The following SIPA1L3 variants were observed in gnomAD, a reference collection of about 807,000 sequenced individuals.
SIPA1L3 encodes signal-induced proliferation-associated 1-like protein 3.
Under a neutral mutation model 150.1 loss-of-function variants are expected in SIPA1L3, and 59 were observed. The observed-to-expected ratio is 0.39, with a 90% CI of 0.32 to 0.49. The LOEUF (loss-of-function observed/expected upper bound fraction) is 0.49. Among genes scored for constraint, SIPA1L3 ranks in the 20% least tolerant of loss-of-function variants. SIPA1L3 has a pLI of 0.86. For missense variants in SIPA1L3, 2,211 were observed against 2,489.5 expected (o/e 0.89, Z 2.38); for synonymous variants, 1,070 against 1,077.6 (o/e 0.99, Z 0.14).
intron 1 of SIPA1L3, among the ~76,000 whole-genome samples, chr19:37,990,786 C>T (rs573604798): frequency 1.4e-4 from 21 of 152,240 alleles, no homozygotes; most frequent in Non-Finnish European, 2.6e-4. Flanking sequence ...CTGGTACCAA[C>T]AACAGCAGAC....
At chr19:37,911,508 A>G (rs1362519891) in intron 1 of SIPA1L3, among the ~76,000 whole-genome samples, 1 of 150,210 alleles carries the variant, frequency 6.7e-6, no homozygotes, top group Admixed American at 6.6e-5. Context: ...TTCCTCTGAG[A>G]TGTCTTTTTT....
intron 2 of SIPA1L3, among the ~76,000 whole-genome samples, chr19:38,044,541 ACAAAAGG>A (rs1199050160): frequency 3.9e-4 from 60 of 152,172 alleles, no homozygotes; most frequent in Non-Finnish European, 7.2e-4. Context: ...GATGGGAGGC[ACAAAAGG>A]CTGAAGGGAG....
rs879842614 is a variant in SIPA1L3 at position 37,984,151 on chromosome 19, C to T, written c.-378-44938C>T. ...CTCAGGGAGCGCTGTGTGAGCCCTG[C>T]GCAGGGCGGGGCAGCGAGGCGGTTA... is the stretch of plus-strand genomic sequence containing the variant. On this transcript the variant is annotated intron_variant, in intron 1 of 21. Transcript: ENST00000222345. 5.3e-5 allele frequency among the ~76,000 whole-genome samples: 8 copies of T among 152,122 alleles called. 1 individual carries two copies. The South Asian group carries it at 8.3e-4, about 16-fold the overall frequency.
intron 1 of SIPA1L3, among the ~76,000 whole-genome samples, chr19:38,005,707 T>C (rs1446960731): frequency 6.6e-6 from 1 of 152,284 alleles, no homozygotes; most frequent in South Asian, 2.1e-4. Flanking sequence ...TACTAAACTT[T>C]GCTAAGGGAA....
At chr19:38,076,692 A>G (rs1475562262) in intron 2 of SIPA1L3, among the ~76,000 whole-genome samples, 1 of 152,196 alleles carries the variant, frequency 6.6e-6, no homozygotes, top group South Asian at 2.1e-4. Flanking sequence ...GAAAAGTCAT[A>G]ACATTACAAG....
chr19:38,162,185 G>C, intron 13 of SIPA1L3, 68 bp from the exon 14 acceptor site: 1 of 1,237,322 alleles, frequency 8.1e-7, no homozygotes, highest in Non-Finnish European at 1.2e-6. Flanking sequence ...TCTGGCAAAG[G>C]GTCCAGATTC....
chr19:38,018,513 G>T (rs1187897438), intron 1 of SIPA1L3, among the ~76,000 whole-genome samples: 1 of 152,116 alleles, frequency 6.6e-6, no homozygotes, highest in Non-Finnish European at 1.5e-5. Flanking sequence ...AAATGGAACT[G>T]TATAATCCAT....
At chr19:37,927,851 C>T (rs1278903643) in intron 1 of SIPA1L3, among the ~76,000 whole-genome samples, 1 of 152,062 alleles carries the variant, frequency 6.6e-6, no homozygotes, top group African/African-American at 2.4e-5. Context: ...CCAGCTACAT[C>T]CATGTTGCTG....
chr19:37,937,010 A>G (rs1397883533), intron 1 of SIPA1L3, among the ~76,000 whole-genome samples: 4 of 152,148 alleles, frequency 2.6e-5, no homozygotes, highest in African/African-American at 9.7e-5. Flanking sequence ...CTTAGGCTGG[A>G]ATAGAATGGT....
chr19:38,195,007 A>G (rs1972889549), intron 18 of SIPA1L3, among the ~76,000 whole-genome samples: 1 of 151,798 alleles, frequency 6.6e-6, no homozygotes, highest in Non-Finnish European at 1.5e-5. Flanking sequence ...GCTGAGATCA[A>G]GCCACTGCAC....
At chr19:37,997,703 C>T (rs1367811606) in intron 1 of SIPA1L3, among the ~76,000 whole-genome samples, 1 of 151,646 alleles carries the variant, frequency 6.6e-6, no homozygotes, top group Non-Finnish European at 1.5e-5. Context: ...CCCGTCTCTA[C>T]TAAAAATACA....
intron 8 of SIPA1L3, among the ~76,000 whole-genome samples, chr19:38,113,497 G>A (rs1600089238): frequency 6.6e-6 from 1 of 151,966 alleles, no homozygotes; most frequent in African/African-American, 2.4e-5. Flanking sequence ...AGGCATGCTG[G>A]CACGCACCCA....
chr19:38,142,913 T>C (rs1225627014), intron 12 of SIPA1L3, among the ~76,000 whole-genome samples: 1 of 152,200 alleles, frequency 6.6e-6, no homozygotes, highest in African/African-American at 2.4e-5. Flanking sequence ...GGACCCATCG[T>C]TGGCTTTCCT....
At chr19:38,019,949 C>T (rs1048955661) in intron 1 of SIPA1L3, among the ~76,000 whole-genome samples, 8 of 152,026 alleles carry the variant, frequency 5.3e-5, no homozygotes, top group Admixed American at 3.9e-4. Flanking sequence ...AAGCATTACC[C>T]AGGTGTGGTG....
chr19:37,916,852 C>T (rs559351810), intron 1 of SIPA1L3, among the ~76,000 whole-genome samples: 19 of 151,750 alleles, frequency 1.3e-4, no homozygotes, highest in Non-Finnish European at 2.2e-4. Flanking sequence ...CCCAACTACT[C>T]GGGAGACGGA....
At chr19:38,049,856 A>C (rs1454709362) in intron 2 of SIPA1L3, among the ~76,000 whole-genome samples, 1 of 151,584 alleles carries the variant, frequency 6.6e-6, no homozygotes, top group African/African-American at 2.4e-5. Context: ...CACCAATCCG[A>C]AGGGTGTCAA....
At chr19:38,150,529 CT>C (rs201046693) in intron 12 of SIPA1L3, among the ~76,000 whole-genome samples, 37,691 of 118,320 alleles carry the variant, frequency 0.32, 4,214 homozygotes, top group South Asian at 0.42. Flanking sequence ...AATATCAACA[CT>C]TTTTTTTTTT....
chr19:37,945,039 C>A (rs549670128), intron 1 of SIPA1L3, among the ~76,000 whole-genome samples: 1 of 152,282 alleles, frequency 6.6e-6, no homozygotes, highest in Non-Finnish European at 1.5e-5. Flanking sequence ...GTGCTCAGAA[C>A]ACCTGCATTA....
intron 18 of SIPA1L3, among the ~76,000 whole-genome samples, chr19:38,195,674 C>T (rs1276330819): frequency 4.6e-5 from 7 of 152,042 alleles, no homozygotes; most frequent in East Asian, 3.9e-4. Context: ...CTCCACAGGC[C>T]GATCCGAATT....
Sources: gnomAD v4.1 joint callset for allele counts (sites outside exome capture counted in the v4.1 genomes callset) on GRCh38, gnomAD v4.1.1 for gene constraint, MANE v1.5 for transcripts, NCBI Gene and HGNC (gene_info 2026-07-23, HGNC 2026-07-21) for gene names.